The following SYT1 variants were observed in gnomAD, a reference collection of about 807,000 sequenced individuals.
SYT1 encodes synaptotagmin-1.
SYT1 carries 8 observed loss-of-function variants against 44.8 expected under a neutral mutation model. The ratio of observed to expected loss-of-function variants is 0.18; its 90% confidence interval spans 0.10 to 0.32. The LOEUF is 0.32. SYT1 is among the 10% of genes least tolerant of loss of function. SYT1 has a pLI of 1.00. For synonymous variants in SYT1, 154 were observed against 188.8 expected (o/e 0.82, Z 1.51); for missense variants, 286 against 509.3 (o/e 0.56, Z 4.22).
chr12:79,310,627 T>C (rs1445996185), intron 8 of SYT1, among the ~76,000 whole-genome samples: 2 of 152,242 alleles, frequency 1.3e-5, no homozygotes, highest in Non-Finnish European at 2.9e-5. Context: ...TTTCATGATA[T>C]TGATTCTTCC....
At chr12:78,960,445 C>T (rs1462225794) in intron 1 of SYT1, 5 of 152,170 alleles carry the variant, frequency 3.3e-5, no homozygotes, top group Admixed American at 3.3e-4. Context: ...TTTCCCTTAT[C>T]TTAAAGAAAT....
chr12:79,097,752 C>T (rs1166003353), intron 3 of SYT1, among the ~76,000 whole-genome samples: 1 of 152,018 alleles, frequency 6.6e-6, no homozygotes, highest in Non-Finnish European at 1.5e-5. Context: ...ACTATAACAA[C>T]TGTACATTTA....
intron 4 of SYT1, among the ~76,000 whole-genome samples, chr12:79,269,558 G>A (rs1185358202): frequency 6.6e-6 from 1 of 152,146 alleles, no homozygotes; most frequent in Non-Finnish European, 1.5e-5. Context: ...GCAGGAATAC[G>A]TTTTTCCTTT....
chr12:79,058,125 C>A (rs186670050), intron 3 of SYT1, among the ~76,000 whole-genome samples: 1 of 151,920 alleles, frequency 6.6e-6, no homozygotes, highest in East Asian at 1.9e-4. Flanking sequence ...TTAAATGAGA[C>A]AGCTAAAAGA....
chr12:79,052,980 C>G (rs1298047769), intron 3 of SYT1, among the ~76,000 whole-genome samples: 1 of 152,084 alleles, frequency 6.6e-6, no homozygotes, highest in Non-Finnish European at 1.5e-5. Context: ...CTAGAAATAC[C>G]ATTTGACCCA....
At chr12:78,970,589 A>G (rs924635777) in intron 1 of SYT1, among the ~76,000 whole-genome samples, 1 of 152,216 alleles carries the variant, frequency 6.6e-6, no homozygotes, top group South Asian at 2.1e-4. Flanking sequence ...TCTCAGCTCA[A>G]CTTCCTGTTA....
chr12:79,016,576 C>A (rs1223210843), intron 2 of SYT1, among the ~76,000 whole-genome samples: 1 of 152,050 alleles, frequency 6.6e-6, no homozygotes, highest in African/African-American at 2.4e-5. Context: ...GAAAGATTAT[C>A]CTCTGGTATA....
At chr12:79,399,304 TTTG>T (rs942917215) in intron 9 of SYT1, among the ~76,000 whole-genome samples, 5 of 151,850 alleles carry the variant, frequency 3.3e-5, no homozygotes, top group African/African-American at 1.2e-4. Flanking sequence ...TTTTTTTTTT[TTTG>T]CCTTTCAAAA....
chr12:78,901,442 A>T (rs1251751438), intron 1 of SYT1, among the ~76,000 whole-genome samples: 2 of 152,102 alleles, frequency 1.3e-5, no homozygotes, highest in African/African-American at 4.8e-5. Flanking sequence ...AGAAGTTCAA[A>T]AGGGATTGGA....
chr12:78,884,989 T>C (rs1429951478), intron 1 of SYT1, among the ~76,000 whole-genome samples: 3 of 151,928 alleles, frequency 2.0e-5, no homozygotes, highest in Admixed American at 2.0e-4. Context: ...ACTATTATAA[T>C]GCTTATTTTG....
intron 1 of SYT1, among the ~76,000 whole-genome samples, chr12:78,882,915 T>TC (rs1874534719): frequency 6.6e-6 from 1 of 151,816 alleles, no homozygotes; most frequent in South Asian, 2.1e-4. Context: ...ATGGGAACAG[T>TC]CTGTGATCTT....
At chr12:79,027,860 A>C (rs1872624672) in intron 2 of SYT1, among the ~76,000 whole-genome samples, 2 of 151,528 alleles carry the variant, frequency 1.3e-5, no homozygotes, top group Non-Finnish European at 3.0e-5. Context: ...CAGTATAGCC[A>C]TAGACTTCAC....
intron 4 of SYT1, among the ~76,000 whole-genome samples, chr12:79,232,356 G>C (rs1370899870): frequency 6.6e-6 from 1 of 152,204 alleles, no homozygotes; most frequent in Admixed American, 6.5e-5. Flanking sequence ...GGACAGCGAT[G>C]GCTCTTTATG....
chr12:79,179,155 GATATAT>G (rs1491105115), intron 3 of SYT1, among the ~76,000 whole-genome samples: 1 of 76,452 alleles, frequency 1.3e-5, no homozygotes, highest in Non-Finnish European at 2.6e-5. Context: ...TAGATATATA[GATATAT>G]AGATATAGAT....
At chr12:78,905,767 G>T (rs925442554) in intron 1 of SYT1, among the ~76,000 whole-genome samples, 1 of 151,576 alleles carries the variant, frequency 6.6e-6, no homozygotes, top group African/African-American at 2.4e-5. Context: ...AGAGTTTTTT[G>T]ACCTTTTTAA....
intron 4 of SYT1, among the ~76,000 whole-genome samples, chr12:79,261,007 C>G (rs577082000): frequency 7.5e-4 from 114 of 152,046 alleles, no homozygotes; most frequent in Non-Finnish European, 1.3e-3. Context: ...GGGGTCACCT[C>G]GCTGTTGGAA....
At chr12:79,339,327 A>G (rs1882248440) in intron 8 of SYT1, among the ~76,000 whole-genome samples, 1 of 152,108 alleles carries the variant, frequency 6.6e-6, no homozygotes, top group Non-Finnish European at 1.5e-5. Context: ...CCTCTCCAGC[A>G]CCTGTTGTTT....
At chr12:79,385,777 T>C (rs1282183851) in intron 9 of SYT1, among the ~76,000 whole-genome samples, 2 of 152,124 alleles carry the variant, frequency 1.3e-5, no homozygotes, top group African/African-American at 2.4e-5. Flanking sequence ...GTGTTGTATA[T>C]GAATATACTA....
At chr12:78,995,179 G>A (rs1267193428) in intron 2 of SYT1, among the ~76,000 whole-genome samples, 1 of 152,190 alleles carries the variant, frequency 6.6e-6, no homozygotes. Flanking sequence ...AGTGAAGCCT[G>A]AGAACCACTA....
Sources: allele counts gnomAD v4.1 joint callset (sites outside exome capture counted in the v4.1 genomes callset), GRCh38; gene constraint gnomAD v4.1.1; transcripts MANE v1.5; gene names NCBI Gene and HGNC (gene_info 2026-07-23, HGNC 2026-07-21).